The following ADAMTS2 variants were observed in gnomAD, a reference collection of about 807,000 sequenced individuals.
The protein encoded by ADAMTS2 is A disintegrin and metalloproteinase with thrombospondin motifs 2.
Under a neutral mutation model 123.0 loss-of-function variants are expected in ADAMTS2, and 50 were observed. That is an observed-to-expected ratio of 0.41 (90% CI 0.32 to 0.51). The LOEUF (loss-of-function observed/expected upper bound fraction) is 0.51, where lower values mean the gene tolerates loss of function less well. ADAMTS2 is among the 20% of genes least tolerant of loss of function. The pLI is 0.35. For synonymous variants in ADAMTS2, 678 were observed against 695.4 expected (o/e 0.98, Z 0.39); for missense variants, 1,494 against 1,705.2 (o/e 0.88, Z 2.18).
chr5:179,126,088 T>C lies in ADAMTS2; in HGVS notation c.2660A>G (p.His887Arg), dbSNP rs759292055. Residue 887 changes from histidine to arginine, a missense_variant, in exon 18 of 22, where the codon CAC becomes CGC. His to Arg is a conservative substitution (Grantham distance 29). Coordinates refer to ENST00000251582, the MANE Select transcript of ADAMTS2 (RefSeq NM_014244.5). The stretch of plus-strand genomic sequence containing the variant: ...ACAGAAGCCACGGTGTACCATCTTG[T>C]GGTCCAGCCTCCGGCGGCAGCCATA... ...TKYGCRRRLDHKMVHRGFCAA... is the reference protein window; with the variant it reads ...TKYGCRRRLDRKMVHRGFCAA... 1 of 1,613,166 alleles carries C rather than the reference T, an allele frequency of 6.2e-7. No individual in the cohort carries two copies.
At chr5:179,297,979 T>C (rs1344433374) in intron 2 of ADAMTS2, among the ~76,000 whole-genome samples, 1 of 151,998 alleles carries the variant, frequency 6.6e-6, no homozygotes, top group Non-Finnish European at 1.5e-5. Context: ...CCAATGCCCA[T>C]GGCCTCTGTC....
At chr5:179,176,358 C>T (rs1763930179) in intron 5 of ADAMTS2, among the ~76,000 whole-genome samples, 1 of 152,134 alleles carries the variant, frequency 6.6e-6, no homozygotes, top group Non-Finnish European at 1.5e-5. Flanking sequence ...TTCTGCTACC[C>T]CCAGCTCCAG....
At chr5:179,156,594 G>A (rs539934087) in intron 6 of ADAMTS2, among the ~76,000 whole-genome samples, 1 of 152,030 alleles carries the variant, frequency 6.6e-6, no homozygotes, top group Non-Finnish European at 1.5e-5. Flanking sequence ...TCCTGACCTC[G>A]TGACCTGCCC....
chr5:179,207,510 C>CCCCCCCA lies in ADAMTS2; in HGVS notation c.891+2_891+3insTGGGGGG. The CCCCCCCA allele has an allele frequency of 6.6e-7, 1 of 1,506,456 alleles. No homozygotes were observed. Among genetic ancestry groups the CCCCCCCA allele is most frequent in the East Asian group, 2.6e-5 (1 of 39,144 alleles). The allele number at this position is 1,506,456 out of a possible 1,614,324, so 93.3% of individuals were successfully genotyped here. ...ACCCTGCCCCCTCAGCCACCCCACT[C>CCCCCCCA]ACAATGTTCATGAGTGTCAGCAGGT... On this transcript the variant is annotated splice_region_variant and intron_variant, in intron 4 of 21. Coordinates refer to ENST00000251582, the MANE Select transcript of ADAMTS2 (RefSeq NM_014244.5).
chr5:179,300,491 G>C (rs1371665927), intron 2 of ADAMTS2, among the ~76,000 whole-genome samples: 1 of 152,156 alleles, frequency 6.6e-6, no homozygotes, highest in Non-Finnish European at 1.5e-5. Flanking sequence ...GAAAACTAAA[G>C]AAACAAAAGA....
At chr5:179,253,645 C>CAA (rs373290836) in intron 3 of ADAMTS2, among the ~76,000 whole-genome samples, 16 of 138,612 alleles carry the variant, frequency 1.2e-4, no homozygotes, top group Non-Finnish European at 1.6e-5. Context: ...GACTCCATCT[C>CAA]AAAAAAAAAA....
At chr5:179,340,087 C>T (rs961362640) in intron 2 of ADAMTS2, among the ~76,000 whole-genome samples, 9 of 152,252 alleles carry the variant, frequency 5.9e-5, no homozygotes, top group Admixed American at 3.9e-4. Flanking sequence ...GCCTCAGCCA[C>T]GCAGTGGGGC....
Position 179,125,032 on chromosome 5 carries a change from G to A in ADAMTS2, c.2899C>T (p.Arg967Cys), listed in dbSNP as rs757105391. ...CAGAGCTCGCGGCTGCAGGCCCGGCGGCTCTCGGGCCGGGCGTCATTGCAG... is the reference window on the plus strand; with the variant it reads ...CAGAGCTCGCGGCTGCAGGCCCGGCAGCTCTCGGGCCGGGCGTCATTGCAG... ...KHCNDARPESRRACSRELCPG... is the reference protein window; with the variant it reads ...KHCNDARPESCRACSRELCPG... The change falls in exon 19 of 22, where the codon CGC becomes TGC. Residue 967 changes from arginine to cysteine, a missense_variant. Around this residue, in one of 6 missense-constraint regions of ADAMTS2, gnomAD observed 953 missense variants for 1,124.7 expected, o/e 0.85. Coordinates refer to ENST00000251582, the MANE Select transcript of ADAMTS2 (RefSeq NM_014244.5). 1.9e-6 allele frequency: 3 copies of A among 1,608,080 alleles called. No individual in the cohort carries two copies. Among genetic ancestry groups the A allele is most frequent in the Non-Finnish European group, 1.7e-6 (2 of 1,178,712 alleles).
At position 179,246,081 on chromosome 5, in the gene ADAMTS2, T is replaced by A. The variant is rs531567965; in HGVS notation, c.688+26830A>T. Among the ~76,000 whole-genome samples, 385 of 152,228 alleles carry A rather than the reference T, an allele frequency of 2.5e-3. 3 individuals are homozygous for A. Among genetic ancestry groups the A allele is most frequent in the African/African-American group, 8.6e-3 (358 of 41,534 alleles). ...TTAATGAAGAAAGCAGCTACTGAATTTTGGTGACAGTGGGTTATGGTGTTT... is the reference window on the plus strand; with the variant it reads ...TTAATGAAGAAAGCAGCTACTGAATATTGGTGACAGTGGGTTATGGTGTTT... On this transcript the variant is annotated intron_variant, in intron 3 of 21. Coordinates refer to ENST00000251582, the MANE Select transcript of ADAMTS2 (RefSeq NM_014244.5).
chr5:179,115,711 G>GGAGGGAGAAAGT lies in ADAMTS2; in HGVS notation c.3179-1388_3179-1387insACTTTCTCCCTC, dbSNP rs1311678928. On this transcript the variant is annotated intron_variant, in intron 21 of 21. Coordinates refer to ENST00000251582, the MANE Select transcript of ADAMTS2 (RefSeq NM_014244.5). The surrounding 1 kb of genome is among the most constrained non-coding windows in gnomAD (Gnocchi z 4.4). ...GGGAGGAGGAAAGGGAGGGAGAAAG[G>GGAGGGAGAAAGT]GAGGGAGAAAGGCTCAGGCATTGGA... Among the ~76,000 whole-genome samples, 35 of 152,124 alleles carry GGAGGGAGAAAGT rather than the reference G, an allele frequency of 2.3e-4. No homozygotes were observed. The highest frequency in any genetic ancestry group is 8.2e-4 in the African/African-American group (34 of 41,414).
At chr5:179,324,642 T>C (rs1317510015) in intron 2 of ADAMTS2, among the ~76,000 whole-genome samples, 2 of 152,212 alleles carry the variant, frequency 1.3e-5, no homozygotes, top group Non-Finnish European at 2.9e-5. Context: ...CCTCCTGCCT[T>C]GGCCTCCCAA....
At chr5:179,208,113 G>T (rs868833127) in intron 3 of ADAMTS2, among the ~76,000 whole-genome samples, 11 of 150,796 alleles carry the variant, frequency 7.3e-5, no homozygotes, top group African/African-American at 2.4e-4. Context: ...ACCTCAGCCC[G>T]CACTGCCTGA....
At chr5:179,146,507 C>T (rs1398982097) in intron 10 of ADAMTS2, among the ~76,000 whole-genome samples, 2 of 152,172 alleles carry the variant, frequency 1.3e-5, no homozygotes, top group Admixed American at 6.5e-5. Context: ...GCAGTGGCAG[C>T]GTTCGCAGCT....
chr5:179,211,783 T>G (rs1433545169), intron 3 of ADAMTS2, among the ~76,000 whole-genome samples: 1 of 152,136 alleles, frequency 6.6e-6, no homozygotes, highest in Non-Finnish European at 1.5e-5. Context: ...GGGCTGCAAC[T>G]GCCAGCATCC....
chr5:179,233,148 T>C (rs1765449130), intron 3 of ADAMTS2, among the ~76,000 whole-genome samples: 1 of 152,212 alleles, frequency 6.6e-6, no homozygotes, highest in Non-Finnish European at 1.5e-5. Flanking sequence ...GAAAAGTAAA[T>C]ATCAAGTATA....
intron 2 of ADAMTS2, among the ~76,000 whole-genome samples, chr5:179,321,534 C>T (rs947547401): frequency 2.6e-5 from 4 of 152,138 alleles, no homozygotes; most frequent in Non-Finnish European, 2.9e-5. Context: ...TGGGCAGCCC[C>T]GCTCCTAAGA....
In ADAMTS2 at chr5:179,155,361, TCACACCCTCCAAGCC is replaced by T. The variant is rs1185598166; in HGVS notation, c.1133-457_1133-443del. ...CATCCTGCCCCTCGTCTGCCTGGTA[TCACACCCTCCAAGCC>T]CACCTCCTCTGGGGGGCGTTTCTTG... On this transcript the variant is annotated intron_variant, in intron 6 of 21. Coordinates refer to ENST00000251582, the MANE Select transcript of ADAMTS2 (RefSeq NM_014244.5). This position sits in a 1 kb window ranked among gnomAD's most constrained non-coding sequence, Gnocchi z 5.1. Among the ~76,000 whole-genome samples the T allele has an allele frequency of 6.6e-6, 1 of 152,194 alleles. No individual in the cohort carries two copies. The highest frequency in any genetic ancestry group is 2.4e-5 in the African/African-American group (1 of 41,462).
chr5:179,125,741 G>A (rs1762843479), intron 18 of ADAMTS2, among the ~76,000 whole-genome samples: 1 of 152,252 alleles, frequency 6.6e-6, no homozygotes, highest in African/African-American at 2.4e-5. Flanking sequence ...GGCGAGCCCT[G>A]CGCCTCTGAA....
chr5:179,259,427 G>A (rs1344373227), intron 3 of ADAMTS2, among the ~76,000 whole-genome samples: 2 of 152,244 alleles, frequency 1.3e-5, no homozygotes, highest in Admixed American at 6.5e-5. Context: ...CCTGCTGTGC[G>A]TGCCGGGTAA....
Sources: allele counts gnomAD v4.1 joint callset (sites outside exome capture counted in the v4.1 genomes callset), GRCh38; gene constraint gnomAD v4.1.1; regional missense constraint gnomAD v4.1.1; non-coding constraint Gnocchi (gnomAD v3.1); transcripts MANE v1.5; gene names NCBI Gene and HGNC (gene_info 2026-07-23, HGNC 2026-07-21).